Variants in CIMIP4 observed in about 807,000 individuals in gnomAD.
CIMIP4 encodes ciliary microtubule inner protein 4.
At chr22:36,999,141 G>A in the CIMIP4 span, among the ~76,000 whole-genome samples, 2 of 151,964 alleles carry the variant, frequency 1.3e-5, no homozygotes, top group Non-Finnish European at 2.9e-5. Context: ...ACTGGGTCCT[G>A]GGCCTCCTAC....
chr22:37,007,032 G>T, the CIMIP4 span, among the ~76,000 whole-genome samples: 2 of 152,166 alleles, frequency 1.3e-5, no homozygotes, highest in Non-Finnish European at 1.5e-5. Flanking sequence ...CCTGCCATGT[G>T]AATGGGTTCC....
the CIMIP4 span, chr22:37,003,991 C>G: frequency 6.5e-7 from 1 of 1,549,862 alleles, no homozygotes; most frequent in Non-Finnish European, 8.7e-7. Flanking sequence ...GCTCCATAGC[C>G]TCTTGCTGTG....
chr22:36,999,870 C>T, the CIMIP4 span: 10 of 1,613,692 alleles, frequency 6.2e-6, no homozygotes, highest in Middle Eastern at 1.6e-4. Context: ...ATGTTGTAGC[C>T]GAGGTCATAG....
At chr22:37,001,277 T>C in the CIMIP4 span, among the ~76,000 whole-genome samples, 2 of 151,850 alleles carry the variant, frequency 1.3e-5, no homozygotes, top group African/African-American at 2.4e-5. Flanking sequence ...TTTGTCAGCC[T>C]GATCTAGTGC....
chr22:36,999,415 G>A, the CIMIP4 span, among the ~76,000 whole-genome samples: 1 of 147,902 alleles, frequency 6.8e-6, no homozygotes, highest in Non-Finnish European at 1.5e-5. Context: ...TTGCTTTCTT[G>A]AGCCTGTGAG....
the CIMIP4 span, among the ~76,000 whole-genome samples, chr22:36,997,060 G>A: frequency 1.3e-5 from 2 of 152,186 alleles, no homozygotes; most frequent in Admixed American, 1.3e-4. Context: ...CCCAAGGAAT[G>A]CCTGAGCTCG....
At chr22:36,997,271 A>G in the CIMIP4 span, among the ~76,000 whole-genome samples, 7 of 152,342 alleles carry the variant, frequency 4.6e-5, no homozygotes, top group African/African-American at 1.7e-4. Context: ...ATTTTAGAAG[A>G]CTGTGTAAAA....
chr22:37,000,197 G>A, the CIMIP4 span, among the ~76,000 whole-genome samples: 2 of 152,052 alleles, frequency 1.3e-5, no homozygotes, highest in Admixed American at 6.5e-5. Context: ...GTGGGTGGGG[G>A]GCATCAAGTT....
chr22:36,999,462 C>A, the CIMIP4 span, among the ~76,000 whole-genome samples: 1 of 141,772 alleles, frequency 7.1e-6, no homozygotes, highest in Non-Finnish European at 1.5e-5. Flanking sequence ...TGCCACTGCA[C>A]CCCAGCCTGG....
chr22:37,007,182 G>A, the CIMIP4 span, among the ~76,000 whole-genome samples: 1 of 152,192 alleles, frequency 6.6e-6, no homozygotes, highest in Admixed American at 6.5e-5. Flanking sequence ...AGTAAATGTT[G>A]TCTTAAGCCC....
chr22:37,001,855 C>G, the CIMIP4 span: 1 of 1,596,206 alleles, frequency 6.3e-7, no homozygotes, highest in African/African-American at 1.3e-5. Flanking sequence ...CGGAGACCAG[C>G]TGGTCCACCA....
the CIMIP4 span, among the ~76,000 whole-genome samples, chr22:37,002,840 T>A: frequency 6.6e-6 from 1 of 152,174 alleles, no homozygotes; most frequent in African/African-American, 2.4e-5. Context: ...AATGCAAGAC[T>A]GCTCCCCAAT....
At chr22:37,001,744 G>T in the CIMIP4 span, 5 of 1,267,342 alleles carry the variant, frequency 3.9e-6, no homozygotes, top group Non-Finnish European at 5.3e-6. Flanking sequence ...CTTTCTAGTG[G>T]TATTATTATA....
chr22:36,999,997 G>C, the CIMIP4 span: 1 of 1,604,688 alleles, frequency 6.2e-7, no homozygotes, highest in African/African-American at 1.3e-5. Flanking sequence ...GAGCAGGGAG[G>C]CAGGGATGAC....
chr22:37,002,206 C>G, the CIMIP4 span: 1 of 1,477,428 alleles, frequency 6.8e-7, no homozygotes, highest in Non-Finnish European at 9.0e-7. Context: ...GGTTCTTGAA[C>G]TTGGAGGTGT....
chr22:36,991,637 G>A, the CIMIP4 span: 1 of 1,486,456 alleles, frequency 6.7e-7, no homozygotes, highest in Non-Finnish European at 9.4e-7. Flanking sequence ...TTCAGTGGCA[G>A]TCGGGTACTC....
the CIMIP4 span, among the ~76,000 whole-genome samples, chr22:36,994,789 C>A: frequency 2.6e-5 from 4 of 151,980 alleles, no homozygotes; most frequent in African/African-American, 9.7e-5. Flanking sequence ...CGCCACCGCG[C>A]CCGGCTAATT....
At chr22:37,004,693 CTTT>C in the CIMIP4 span, among the ~76,000 whole-genome samples, 1 of 146,116 alleles carries the variant, frequency 6.8e-6, no homozygotes. Context: ...TGTGATCTTT[CTTT>C]TTTTTTTTTG....
chr22:37,001,827 G>A, the CIMIP4 span: 4 of 1,555,690 alleles, frequency 2.6e-6, no homozygotes, highest in African/African-American at 2.7e-5. Flanking sequence ...CCTGGCCCCT[G>A]CTATGACACC....
Sources: gnomAD v4.1 joint callset for allele counts (sites outside exome capture counted in the v4.1 genomes callset) on GRCh38, gnomAD v4.1.1 for gene constraint, MANE v1.5 for transcripts, NCBI Gene and HGNC (gene_info 2026-07-23, HGNC 2026-07-21) for gene names.